Variants in TNR observed in about 807,000 individuals in gnomAD.
The protein encoded by TNR is tenascin R.
In TNR, 45 loss-of-function variants were observed where a neutral mutation model predicts 150.4. The ratio of observed to expected loss-of-function variants is 0.30; its 90% CI spans 0.24 to 0.38. The LOEUF (loss-of-function observed/expected upper bound fraction) is 0.38. TNR is among the 10% of genes least tolerant of loss of function. TNR has a pLI of 1.00. For synonymous variants in TNR, 687 were observed against 678.4 expected, an observed-to-expected ratio of 1.01 and a Z score of -0.20; for missense variants, 1,544 against 1,759.1, an observed-to-expected ratio of 0.88 and a Z score of 2.19.
chr1:175,354,105 G>A (rs1378824268), intron 18 of TNR, among the ~76,000 whole-genome samples: 2 of 152,116 alleles, frequency 1.3e-5, no homozygotes, highest in Admixed American at 6.6e-5. Context: ...CTAGGCCCCC[G>A]AAGTGCTGGG....
rs555586149 is a variant in TNR at position 175,712,825 on chromosome 1, C to T, written c.-165+30401G>A. Among the ~76,000 whole-genome samples, 13 of 152,278 alleles carry T rather than the reference C, an allele frequency of 8.5e-5. No homozygotes were observed. The South Asian group carries it at 2.7e-3, about 32-fold the overall frequency. On this transcript the variant is annotated intron_variant, in intron 1 of 22. Coordinates refer to ENST00000367674, the MANE Select transcript of TNR (RefSeq NM_003285.3). The stretch of plus-strand genomic sequence containing the variant: ...AGATGCCAGCACCATACTTCCTGTA[C>T]AGTCTGCAGACCTGTAAGCCAATTA...
At chr1:175,514,350 G>T (rs1446376336) in intron 2 of TNR, among the ~76,000 whole-genome samples, 2 of 152,212 alleles carry the variant, frequency 1.3e-5, no homozygotes, top group Admixed American at 1.3e-4. Context: ...AAGAAAACAT[G>T]TTCTCCCCGA....
intron 1 of TNR, among the ~76,000 whole-genome samples, chr1:175,567,639 A>G (rs943330141): frequency 1.3e-5 from 2 of 152,150 alleles, no homozygotes; most frequent in Admixed American, 6.5e-5. Context: ...GGTCTTGTGG[A>G]AGAGAGTGGG....
At chr1:175,472,933 T>G (rs1238806929) in intron 2 of TNR, among the ~76,000 whole-genome samples, 1 of 152,108 alleles carries the variant, frequency 6.6e-6, no homozygotes, top group African/African-American at 2.4e-5. Context: ...GTATCTAGCT[T>G]TGGGAGATGA....
At chr1:175,504,241 G>A (rs2102152454) in intron 2 of TNR, among the ~76,000 whole-genome samples, 1 of 152,232 alleles carries the variant, frequency 6.6e-6, no homozygotes, top group East Asian at 1.9e-4. Flanking sequence ...TACTCAATGA[G>A]TGGCTGTCTT....
At chr1:175,587,811 A>G (rs767762928) in intron 1 of TNR, among the ~76,000 whole-genome samples, 8 of 152,230 alleles carry the variant, frequency 5.3e-5, no homozygotes, top group Non-Finnish European at 1.2e-4. Context: ...CTGGACAAGA[A>G]AAAGAAAGCC....
At chr1:175,561,519 A>G (rs1661427043) in intron 1 of TNR, among the ~76,000 whole-genome samples, 1 of 152,216 alleles carries the variant, frequency 6.6e-6, no homozygotes, top group Admixed American at 6.5e-5. Context: ...AATGGATGCA[A>G]GAGGCTTTTC....
At chr1:175,634,223 T>A (rs1350858301) in intron 1 of TNR, among the ~76,000 whole-genome samples, 2 of 152,148 alleles carry the variant, frequency 1.3e-5, no homozygotes, top group African/African-American at 4.8e-5. Flanking sequence ...ATGTTTCAGT[T>A]CCCCTGAATG....
rs1405389602 is a variant in TNR at position 175,355,611 on chromosome 1, C to G, written c.3141G>C (p.Leu1047=). 2 of 1,614,036 alleles carry G rather than the reference C, an allele frequency of 1.2e-6. No individual in the cohort carries two copies. The highest frequency in any genetic ancestry group is 2.2e-5 in the South Asian group (2 of 91,072). ...TTTGTCTGGTGACTTCACTGGCTGT[C>G]AGGTTTGCCGGAGGGTCCAGGACTG... The part of the protein sequence containing the change: ...FSTLLDPPAN[L]TASEVTRQSA... Residue 1047 remains leucine, a synonymous_variant, in exon 17 of 23, where the codon CTG becomes CTC. Coordinates refer to ENST00000367674, the MANE Select transcript of TNR (RefSeq NM_003285.3).
At chr1:175,364,887 T>C in intron 12 of TNR, 123 bp downstream of exon 12, 1 of 1,269,552 alleles carries the variant, frequency 7.9e-7, no homozygotes, top group Non-Finnish European at 1.1e-6. Context: ...GGTCACAGAC[T>C]TTCTCTAGCC....
intron 2 of TNR, among the ~76,000 whole-genome samples, chr1:175,497,807 C>T (rs1296236666): frequency 6.6e-6 from 1 of 152,162 alleles, no homozygotes; most frequent in Non-Finnish European, 1.5e-5. Context: ...CGCCTGTAAT[C>T]CTAGCACTTT....
rs114000256 is a variant in TNR at position 175,341,153 on chromosome 1, G to A, written c.3383-3474C>T. Among the ~76,000 whole-genome samples, 640 of 152,238 alleles carry A rather than the reference G, an allele frequency of 4.2e-3. 6 individuals carry two copies. Among genetic ancestry groups the A allele is most frequent in the African/African-American group, 0.015 (623 of 41,530 alleles). ...TTATACATTTTAGGAGACTGTCAGG[G>A]CAAATTTCAGGCCCTCCTAGCTCTC... is the stretch of plus-strand genomic sequence containing the variant. On this transcript the variant is annotated intron_variant, in intron 18 of 22. Transcript: ENST00000367674.
chr1:175,337,671 C>A lies in TNR; in HGVS notation c.3391G>T (p.Val1131Leu). Residue 1131 changes from valine to leucine, a missense_variant, in exon 19 of 23, where the codon GTG (valine) becomes TTG (leucine). Physicochemically the swap from Val to Leu is conservative, Grantham distance 32 (BLOSUM62 1). This residue lies in a region of TNR where 290 missense variants were observed against 429.7 expected (regional missense o/e 0.67). Coordinates refer to ENST00000367674, the MANE Select transcript of TNR (RefSeq NM_003285.3). ...TSTAFTTGGR[V>L]FPHPQDCAQH... is the part of the protein sequence containing the mutation. The stretch of plus-strand genomic sequence containing the variant: ...GCACAGTCTTGGGGATGAGGGAACA[C>A]CCGGCCTCCTGCAAGGAAAATAGAC... 4 of 1,614,166 alleles carry A rather than the reference C, an allele frequency of 2.5e-6. No individual in the cohort carries two copies. The highest frequency in any genetic ancestry group is 1.1e-5 in the South Asian group (1 of 91,076).
At chr1:175,558,289 A>C (rs1661272392) in intron 1 of TNR, among the ~76,000 whole-genome samples, 1 of 151,894 alleles carries the variant, frequency 6.6e-6, no homozygotes, top group South Asian at 2.1e-4. Flanking sequence ...AAAAAAAGAT[A>C]GCCATTCTAT....
intron 6 of TNR, among the ~76,000 whole-genome samples, chr1:175,392,714 A>T (rs1653236725): frequency 6.6e-6 from 1 of 152,226 alleles, no homozygotes; most frequent in Non-Finnish European, 1.5e-5. Context: ...AATGGGGCAT[A>T]CAGATTTAGT....
At chr1:175,518,026 G>A (rs550353754) in intron 2 of TNR, among the ~76,000 whole-genome samples, 1 of 152,146 alleles carries the variant, frequency 6.6e-6, no homozygotes, top group African/African-American at 2.4e-5. Flanking sequence ...CTCTACTTAG[G>A]AGGAGTGTTG....
At chr1:175,493,722 G>A (rs1028269376) in intron 2 of TNR, among the ~76,000 whole-genome samples, 4 of 152,204 alleles carry the variant, frequency 2.6e-5, no homozygotes, top group Admixed American at 6.5e-5. Context: ...CACTAAGGTG[G>A]GGGGTAGTGG....
chr1:175,496,397 T>G (rs1017091513), intron 2 of TNR, among the ~76,000 whole-genome samples: 1 of 152,196 alleles, frequency 6.6e-6, no homozygotes, highest in African/African-American at 2.4e-5. Flanking sequence ...TGGCTCCTTA[T>G]TCCATGAAAT....
intron 2 of TNR, among the ~76,000 whole-genome samples, chr1:175,493,044 C>A (rs904467823): frequency 6.6e-6 from 1 of 151,978 alleles, no homozygotes; most frequent in Non-Finnish European, 1.5e-5. Context: ...GGACTTGGCG[C>A]ATTTCTCCTG....
Sources: gnomAD v4.1 joint callset for allele counts (sites outside exome capture counted in the v4.1 genomes callset) on GRCh38, gnomAD v4.1.1 for gene constraint, gnomAD v4.1.1 regional missense constraint, MANE v1.5 for transcripts, NCBI Gene and HGNC (gene_info 2026-07-23, HGNC 2026-07-21) for gene names.